The following TAPBP variants were observed in gnomAD, a reference collection of about 807,000 sequenced individuals.
The protein encoded by TAPBP is TAP binding protein.
Under a neutral mutation model 45.7 loss-of-function variants are expected in TAPBP, and 38 were observed. That is an observed-to-expected ratio of 0.83 (90% confidence interval 0.64 to 1.09). The LOEUF (loss-of-function observed/expected upper bound fraction) is 1.09, where lower values mean the gene tolerates loss of function less well. Ranked by LOEUF, TAPBP falls within the 50% of genes least tolerant of loss-of-function variation. The probability of loss-of-function intolerance (pLI) is 0.00; values close to 1 mark genes in which losing one functional copy is unlikely to be tolerated. For synonymous variants in TAPBP, 226 were observed against 254.8 expected, an observed-to-expected ratio of 0.89 and a Z score of 1.08; for missense variants, 513 against 587.3, an observed-to-expected ratio of 0.87 and a Z score of 1.31.
intron 7 of TAPBP, among the ~76,000 whole-genome samples, chr6:33,302,792 C>T (rs1163704455): frequency 6.6e-6 from 1 of 151,688 alleles, no homozygotes; most frequent in African/African-American, 2.4e-5. Flanking sequence ...ATTACAGGTG[C>T]CGTCACATCT....
intron 7 of TAPBP, 68 bp downstream of exon 7, chr6:33,303,887 A>G (rs777266501): frequency 2.5e-6 from 4 of 1,613,876 alleles, no homozygotes; most frequent in African/African-American, 1.3e-5. Flanking sequence ...GCCTCCCTCC[A>G]TGGGTTTTGA....
Position 33,301,638 on chromosome 6 carries a change from G to C in TAPBP, c.*122C>G. ...GAAAGAAAAAAAAAAAAGCATTCCA[G>C]CCACTCAGTGGAGAGAGATTGGAGG... On this transcript the variant is annotated 3_prime_UTR_variant, in exon 8 of 8. Transcript: ENST00000434618. 5.1e-6 allele frequency: 4 copies of C among 786,928 alleles called. No individual in the cohort carries two copies. The highest frequency in any genetic ancestry group is 8.3e-6 in the Non-Finnish European group (4 of 481,856). The allele number at this position is 786,928 out of a possible 1,614,324, so 48.7% of individuals were successfully genotyped here. A position where few individuals can be genotyped will look rare whatever the true frequency, so the allele number is the denominator to read the frequency against.
At chr6:33,311,270 C>T (rs562884449) in intron 3 of TAPBP, among the ~76,000 whole-genome samples, 11 of 152,116 alleles carry the variant, frequency 7.2e-5, no homozygotes, top group Non-Finnish European at 1.6e-4. Context: ...GAGCCAAGAT[C>T]ATGCCACTGC....
At chr6:33,307,275 G>A (rs1296445848) in intron 3 of TAPBP, among the ~76,000 whole-genome samples, 2 of 151,966 alleles carry the variant, frequency 1.3e-5, no homozygotes, top group African/African-American at 2.4e-5. Context: ...GCAACAGAGT[G>A]AGACTCCGTC....
Position 33,305,069 on chromosome 6 carries a change from G to A in TAPBP, c.788C>T (p.Pro263Leu), listed in dbSNP as rs759499378. The change falls in exon 4 of 8, where the codon CCC becomes CTC. Residue 263 changes from proline (P) to leucine (L), a missense_variant. Transcript: ENST00000434618. This position sits in a 1 kb window ranked among gnomAD's most constrained non-coding sequence, Gnocchi z 4.4. ...GGCCAGATAGGTGCCCTCCTGAAAGGGTTGAACTGTAGGCAGCCAGAAGGT... is the reference window on the plus strand; with the variant it reads ...GGCCAGATAGGTGCCCTCCTGAAAGAGTTGAACTGTAGGCAGCCAGAAGGT... ...NGTFWLPTVQPFQEGTYLATI... is the reference protein window; with the variant it reads ...NGTFWLPTVQLFQEGTYLATI... The A allele has an allele frequency of 1.9e-6, 3 of 1,614,186 alleles. No homozygotes were observed.
At position 33,304,196 on chromosome 6, in the gene TAPBP, T is replaced by G; in HGVS notation, c.1232A>C (p.Glu411Ala). The stretch of plus-strand genomic sequence containing the variant: ...AGACAGGAAAAGGCCTACGCTGTCC[T>G]CAAGGGAGGGCCCTGAAAGACCTGG... ...EVAGLSGPSL[E>A]DSVGLFLSAF... Residue 411 changes from glutamate to alanine, a missense_variant, in exon 6 of 8, where the codon GAG (glutamate) becomes GCG (alanine). Physicochemically the swap from Glu to Ala is moderately radical, Grantham distance 107 (BLOSUM62 -1). Coordinates refer to ENST00000434618, the MANE Select transcript of TAPBP (RefSeq NM_003190.5). 2 of 1,613,686 alleles carry G rather than the reference T, an allele frequency of 1.2e-6. No individual in the cohort carries two copies. The highest frequency in any genetic ancestry group is 1.7e-6 in the Non-Finnish European group (2 of 1,179,884).
At chr6:33,304,750 C>G in intron 4 of TAPBP, 112 bp from the exon 5 acceptor site, 1 of 1,350,306 alleles carries the variant, frequency 7.4e-7, no homozygotes, top group Non-Finnish European at 1.0e-6. Context: ...TAGGTTTCTT[C>G]TCCTGAAATA....
rs548092007 is a variant in TAPBP, at chr6:33,306,870, CGGGAGACCGAGGCAGTAGAATT to C, written c.470-1505_470-1484del. Among the ~76,000 whole-genome samples, 907 of 150,920 alleles carry C rather than the reference CGGGAGACCGAGGCAGTAGAATT, an allele frequency of 6.0e-3. 9 individuals carry two copies. The highest frequency in any genetic ancestry group is 0.018 in the African/African-American group (720 of 40,938). Reference sequence around the variant, plus strand: ...GCACATGCCTGTAATCCCAGCTACTCGGGAGACCGAGGCAGTAGAATTGCTTGAACCCGGGAAGCAGAGGTTG... The same window carrying C: ...GCACATGCCTGTAATCCCAGCTACTCGCTTGAACCCGGGAAGCAGAGGTTG... On this transcript the variant is annotated intron_variant, in intron 3 of 7. Coordinates refer to ENST00000434618, the MANE Select transcript of TAPBP (RefSeq NM_003190.5).
In TAPBP at chr6:33,304,131, C is replaced by T. The variant is rs765383234; in HGVS notation, c.1297G>A (p.Ala433Thr). The T allele has an allele frequency of 2.5e-5, 41 of 1,612,928 alleles. No individual in the cohort carries two copies. Among genetic ancestry groups the T allele is most frequent in the Non-Finnish European group, 3.3e-5 (39 of 1,179,700 alleles). ...LLGLFKALGW[A>T]AVYLSTCKDS... ...TCAGGGTAGGGCTGACACTTACCAG[C>T]CCAGCCCAGTGCCTTGAAGAGCCCA... Residue 433 changes from alanine to threonine, a missense_variant, in exon 6 of 8, where the codon GCT (alanine) becomes ACT (threonine). By Grantham distance (58) the Ala-to-Thr change is moderately conservative. Coordinates refer to ENST00000434618, the MANE Select transcript of TAPBP (RefSeq NM_003190.5).
At chr6:33,306,257 C>A (rs1411068381) in intron 3 of TAPBP, among the ~76,000 whole-genome samples, 1 of 152,228 alleles carries the variant, frequency 6.6e-6, no homozygotes, top group Non-Finnish European at 1.5e-5. Context: ...ATTCCCCACC[C>A]TGCTCCAATG....
At position 33,304,599 on chromosome 6, in the gene TAPBP, C is replaced by T. The variant is rs185298453; in HGVS notation, c.908G>A (p.Arg303Gln). 44 of 1,589,954 alleles carry T rather than the reference C, an allele frequency of 2.8e-5. No homozygotes were observed. The highest frequency in any genetic ancestry group is 6.7e-5 in the African/African-American group (5 of 74,468). Reference sequence around the variant, plus strand: ...CGGGGGTGCCTCCCCTGGGGCGGCCCGTGCAAGGGTTGCTGGCATCAGGGA... The same window carrying T: ...CGGGGGTGCCTCCCCTGGGGCGGCCTGTGCAAGGGTTGCTGGCATCAGGGA... ...KVSLMPATLA[R>Q]AAPGEAPPEL... The change falls in exon 5 of 8, where the codon CGG becomes CAG. Residue 303 changes from arginine (R) to glutamine (Q), a missense_variant. Physicochemically the swap from Arg to Gln is conservative, Grantham distance 43. Transcript: ENST00000434618.
chr6:33,312,583 C>CA (rs539433121), intron 3 of TAPBP, among the ~76,000 whole-genome samples: 11 of 152,194 alleles, frequency 7.2e-5, no homozygotes, highest in Non-Finnish European at 1.5e-4. Context: ...ATGCACCTTT[C>CA]AGTGCAATAG....
chr6:33,313,800 G>A lies in TAPBP; in HGVS notation c.102C>T (p.Ser34=). 1 of 1,613,722 alleles carries A rather than the reference G, an allele frequency of 6.2e-7. No individual in the cohort carries two copies. Among genetic ancestry groups the A allele is most frequent in the South Asian group, 1.1e-5 (1 of 91,078 alleles). ...CGGGTCTCTTGGCCAGGCCCTTTCC[G>A]CTCGCATCCTCCACGAACCAACACT... The part of the protein sequence containing the change: ...VIECWFVEDA[S]GKGLAKRPGA... Residue 34 remains serine (S), a synonymous_variant, in exon 2 of 8, where the codon AGC becomes AGT. Transcript: ENST00000434618. This position sits in a 1 kb window ranked among gnomAD's most constrained non-coding sequence, Gnocchi z 7.2.
intron 3 of TAPBP, among the ~76,000 whole-genome samples, chr6:33,307,352 G>A (rs530413138): frequency 6.6e-6 from 1 of 150,942 alleles, no homozygotes; most frequent in East Asian, 1.9e-4. Context: ...TAAAGGCATA[G>A]GCTGAAGCTA....
At chr6:33,303,142 G>A (rs534909268) in intron 7 of TAPBP, among the ~76,000 whole-genome samples, 1 of 152,224 alleles carries the variant, frequency 6.6e-6, no homozygotes, top group African/African-American at 2.4e-5. Flanking sequence ...GTGGTCGGGT[G>A]CAGCGGTTCA....
chr6:33,304,859 TC>T, intron 4 of TAPBP, 129 bp downstream of exon 4: 1 of 1,440,264 alleles, frequency 6.9e-7, no homozygotes, highest in Non-Finnish European at 9.4e-7. Flanking sequence ...CCCCTCTAAC[TC>T]CCAGGAACCT....
At chr6:33,303,787 C>T (rs1368133599) in intron 7 of TAPBP, 168 bp downstream of exon 7, 1 of 1,556,926 alleles carries the variant, frequency 6.4e-7, no homozygotes, top group Non-Finnish European at 8.7e-7. Flanking sequence ...AAGTAGCATG[C>T]TCAAAGAGTC....
At position 33,301,584 on chromosome 6, in the gene TAPBP, A is replaced by AG. The variant is rs1466478458; in HGVS notation, c.*175_*176insC. 3 of 632,824 alleles carry AG rather than the reference A, an allele frequency of 4.7e-6. No homozygotes were observed. Among genetic ancestry groups the AG allele is most frequent in the Non-Finnish European group, 8.3e-6 (3 of 361,312 alleles). The allele number at this position is 632,824 out of a possible 1,614,324, so 39.2% of individuals were successfully genotyped here. A position where few individuals can be genotyped will look rare whatever the true frequency, so the allele number is the denominator to read the frequency against. On this transcript the variant is annotated 3_prime_UTR_variant, in exon 8 of 8. Coordinates refer to ENST00000434618, the MANE Select transcript of TAPBP (RefSeq NM_003190.5). ...GTGAGACTCCGTCTCAAAAAAAAAA[A>AG]AAAAAGAAAAATTATCCCTTATATA...
chr6:33,302,636 ATTTC>A (rs1315810991), intron 7 of TAPBP, among the ~76,000 whole-genome samples: 3 of 116,338 alleles, frequency 2.6e-5, no homozygotes, highest in Non-Finnish European at 5.7e-5. Context: ...CAAGACTGTA[ATTTC>A]TTTTTCTTTT....
Sources: allele counts gnomAD v4.1 joint callset (sites outside exome capture counted in the v4.1 genomes callset), GRCh38; gene constraint gnomAD v4.1.1; non-coding constraint Gnocchi (gnomAD v3.1); transcripts MANE v1.5; gene names NCBI Gene and HGNC (gene_info 2026-07-23, HGNC 2026-07-21).